Variants in SLC6A13 observed in about 807,000 individuals in gnomAD.
The protein encoded by SLC6A13 is solute carrier family 6 member 13, also known as sodium- and chloride-dependent GABA transporter 2.
In SLC6A13, 69 loss-of-function variants were observed where a neutral mutation model predicts 72.9. That is an observed-to-expected ratio of 0.95 (90% CI 0.78 to 1.16). The LOEUF is 1.16. SLC6A13 is among the 50% of genes most tolerant of loss of function. The probability of loss-of-function intolerance (pLI) is 0.00; values close to 1 mark genes in which losing one functional copy is unlikely to be tolerated. For missense variants in SLC6A13, 735 were observed against 760.5 expected (o/e 0.97, Z 0.39); for synonymous variants, 303 against 303.0 (o/e 1.00, Z 0.00).
chr12:238,021 G>A lies in SLC6A13; in HGVS notation c.479-11C>T, dbSNP rs1441296612. ...ACTCCATACAGTGTTCTACCCATGG[G>A]TCACGAGGAGGGAAAAAAGAGAAAA... On this transcript the variant is annotated splice_polypyrimidine_tract_variant and intron_variant, in intron 4 of 14. Transcript: ENST00000343164. 1 of 1,611,668 alleles carries A rather than the reference G, an allele frequency of 6.2e-7. No homozygotes were observed. Among genetic ancestry groups the A allele is most frequent in the Non-Finnish European group, 8.5e-7 (1 of 1,177,778 alleles).
rs200775971 is a variant in SLC6A13, at chr12:235,159, C to T, written c.762G>A (p.Thr254=). 1.2e-4 allele frequency: 190 copies of T among 1,614,138 alleles called. 1 individual carries two copies. The highest frequency in any genetic ancestry group is 1.5e-4 in the Non-Finnish European group (173 of 1,179,958). Residue 254 remains threonine (T), a synonymous_variant, in exon 7 of 15, where the codon ACG becomes ACA. Coordinates refer to ENST00000343164, the MANE Select transcript of SLC6A13 (RefSeq NM_016615.5). Reference sequence around the variant, plus strand: ...GAATTCCTTGGGCTGCCCCAGGCAACGTCACCCCTCGAATTAACAGGACCA... The same window carrying T: ...GAATTCCTTGGGCTGCCCCAGGCAATGTCACCCCTCGAATTAACAGGACCA... ...MLVVLLIRGV[T]LPGAAQGIQF...
Position 237,293 on chromosome 12 carries a change from G to T in SLC6A13, c.564-3C>A. On this transcript the variant is annotated splice_region_variant and splice_polypyrimidine_tract_variant and intron_variant, in intron 5 of 14. Transcript: ENST00000343164. Reference sequence around the variant, plus strand: ...CAGAGATCTTCAAGACCCGCCGCCTGGGGAGAGAAGGGTTGAACCTGGCTT... The same window carrying T: ...CAGAGATCTTCAAGACCCGCCGCCTTGGGAGAGAAGGGTTGAACCTGGCTT... 6.2e-7 allele frequency: 1 copy of T among 1,614,028 alleles called. No homozygotes were observed. The highest frequency in any genetic ancestry group is 8.5e-7 in the Non-Finnish European group (1 of 1,179,902).
At chr12:255,413 T>G (rs1942705027) in intron 2 of SLC6A13, among the ~76,000 whole-genome samples, 1 of 151,886 alleles carries the variant, frequency 6.6e-6, no homozygotes, top group African/African-American at 2.4e-5. Context: ...GTAAGATGAC[T>G]GTCCGGGCGC....
intron 7 of SLC6A13, among the ~76,000 whole-genome samples, chr12:234,694 T>A (rs1941854740): frequency 6.6e-6 from 1 of 152,040 alleles, no homozygotes; most frequent in South Asian, 2.1e-4. Flanking sequence ...ATTTTTGTAT[T>A]TTTAGTAGAG....
intron 11 of SLC6A13, 69 bp downstream of exon 11, chr12:223,923 C>T: frequency 1.3e-6 from 2 of 1,580,906 alleles, no homozygotes; most frequent in South Asian, 1.1e-5. Context: ...GGGTATCTGC[C>T]TCACTGACAG....
chr12:229,285 G>A (rs527888361), intron 7 of SLC6A13, among the ~76,000 whole-genome samples: 46 of 152,288 alleles, frequency 3.0e-4, no homozygotes, highest in African/African-American at 9.4e-4. Context: ...ACTTCTCCCC[G>A]TTTAAAAAAA....
chr12:226,373 T>C lies in SLC6A13; in HGVS notation c.1060+17A>G. On this transcript the variant is annotated intron_variant, in intron 9 of 14. Transcript: ENST00000343164. ...GAACCAGGCTCACTGCCTCCAGGCC[T>C]CCCCAGTAACACTCACCTGACTCGG... 1 of 1,613,386 alleles carries C rather than the reference T, an allele frequency of 6.2e-7. No individual in the cohort carries two copies.
intron 7 of SLC6A13, among the ~76,000 whole-genome samples, chr12:229,032 G>A (rs1020079700): frequency 6.6e-6 from 1 of 152,146 alleles, no homozygotes; most frequent in African/African-American, 2.4e-5. Context: ...AGGGGAAAAT[G>A]TCTCCAGCCT....
intron 6 of SLC6A13, among the ~76,000 whole-genome samples, chr12:236,531 G>T (rs1383081738): frequency 6.6e-6 from 1 of 152,144 alleles, no homozygotes; most frequent in Non-Finnish European, 1.5e-5. Flanking sequence ...CCAGCTAAAA[G>T]CTCCCACCTC....
At chr12:256,823 G>C (rs969640688) in intron 2 of SLC6A13, among the ~76,000 whole-genome samples, 7 of 152,096 alleles carry the variant, frequency 4.6e-5, no homozygotes, top group African/African-American at 1.7e-4. Context: ...TTTAAAGAAA[G>C]GGCCCAGGAG....
chr12:238,579 C>T (rs1469786374), intron 4 of SLC6A13, among the ~76,000 whole-genome samples: 1 of 152,160 alleles, frequency 6.6e-6, no homozygotes, highest in African/African-American at 2.4e-5. Flanking sequence ...ATAAGTGGTG[C>T]TCTTTATTAT....
At chr12:255,285 G>A (rs763197646) in intron 2 of SLC6A13, among the ~76,000 whole-genome samples, 1 of 152,130 alleles carries the variant, frequency 6.6e-6, no homozygotes, top group Non-Finnish European at 1.5e-5. Flanking sequence ...CAAGAGCTAT[G>A]AGAGGTGGAG....
At chr12:238,094 G>C in intron 4 of SLC6A13, 84 bp from the exon 5 acceptor site, 1 of 1,579,828 alleles carries the variant, frequency 6.3e-7, no homozygotes, top group Admixed American at 1.8e-5. Context: ...TGAAATTCTA[G>C]GAGAATGGGA....
chr12:253,568 G>A (rs1942632168), intron 2 of SLC6A13: 1 of 152,280 alleles, frequency 6.6e-6, no homozygotes, highest in Admixed American at 6.5e-5. Flanking sequence ...TGGAGCTGAG[G>A]GATCTTTCCC....
intron 7 of SLC6A13, among the ~76,000 whole-genome samples, chr12:231,000 C>T (rs1016396192): frequency 6.6e-5 from 10 of 152,220 alleles, no homozygotes; most frequent in Non-Finnish European, 1.3e-4. Context: ...CTAAACAAAC[C>T]TTTCCTTAGA....
intron 6 of SLC6A13, among the ~76,000 whole-genome samples, chr12:235,978 T>C (rs915278889): frequency 6.6e-6 from 1 of 152,192 alleles, no homozygotes; most frequent in African/African-American, 2.4e-5. Flanking sequence ...TCTGCCCTGG[T>C]AAATCTGTGG....
intron 1 of SLC6A13, among the ~76,000 whole-genome samples, chr12:261,452 G>A (rs1246342576): frequency 6.6e-6 from 1 of 152,192 alleles, no homozygotes; most frequent in Non-Finnish European, 1.5e-5. Flanking sequence ...TCACTGGTGT[G>A]TCTACTAAAA....
chr12:248,403 GAAA>G (rs35297718), intron 2 of SLC6A13, among the ~76,000 whole-genome samples: 2 of 100,410 alleles, frequency 2.0e-5, no homozygotes, highest in Admixed American at 1.1e-4. Flanking sequence ...CTCCGTCTCG[GAAA>G]AAAAAAAAAA....
chr12:222,922 A>C (rs920772010), intron 12 of SLC6A13, among the ~76,000 whole-genome samples: 3 of 152,062 alleles, frequency 2.0e-5, no homozygotes, highest in Non-Finnish European at 4.4e-5. Context: ...GAGGTGGTCT[A>C]GGTACAGCTA....
Sources: allele counts gnomAD v4.1 joint callset (sites outside exome capture counted in the v4.1 genomes callset), GRCh38; gene constraint gnomAD v4.1.1; transcripts MANE v1.5; gene names NCBI Gene and HGNC (gene_info 2026-07-23, HGNC 2026-07-21).